The following MYB variants were observed in gnomAD, a reference collection of about 807,000 sequenced individuals.
MYB encodes MYB proto-oncogene, transcription factor.
In MYB, 28 loss-of-function variants were observed where a neutral mutation model predicts 92.9. The ratio of observed to expected loss-of-function variants is 0.30; its 90% CI spans 0.22 to 0.41. MYB has a LOEUF of 0.41. Ranked by LOEUF, MYB falls within the 10% of genes least tolerant of loss-of-function variation. The probability of loss-of-function intolerance (pLI) is 1.00; values close to 1 mark genes in which losing one functional copy is unlikely to be tolerated. For synonymous variants in MYB, 295 were observed against 329.1 expected (o/e 0.90, Z 1.12); for missense variants, 679 against 929.3 (o/e 0.73, Z 3.50).
chr6:135,194,393 G>A lies in MYB; in HGVS notation c.881G>A (p.Arg294Gln). The A allele has an allele frequency of 1.9e-6, 3 of 1,613,716 alleles. No individual in the cohort carries two copies. The highest frequency in any genetic ancestry group is 2.5e-6 in the Non-Finnish European group (3 of 1,179,794). The change falls in exon 8 of 16, where the codon CGA (arginine) becomes CAA (glutamine). Residue 294 changes from arginine to glutamine, a missense_variant. This residue lies in a region of MYB where 43 missense variants were observed against 87.9 expected (regional missense o/e 0.49). Transcript: ENST00000341911. ...GATGAAGACCCTGAGAAGGAAAAGC[G>A]AATAAAGGAATTAGAATTGCTCCTA... ...YNDEDPEKEK[R>Q]IKELELLLMS...
intron 8 of MYB, chr6:135,194,982 C>T (rs964073550): frequency 3.7e-6 from 5 of 1,340,220 alleles, no homozygotes; most frequent in Middle Eastern, 2.1e-4. Context: ...TTACTGAATT[C>T]TGACATCTTT....
chr6:135,186,288 CTCT>C (rs1364502856), intron 2 of MYB, among the ~76,000 whole-genome samples: 1 of 152,156 alleles, frequency 6.6e-6, no homozygotes, highest in Non-Finnish European at 1.5e-5. Flanking sequence ...TTTGTCCCAC[CTCT>C]TCTTCCTACT....
chr6:135,183,525 T>C (rs555571006), intron 1 of MYB, among the ~76,000 whole-genome samples: 47 of 152,356 alleles, frequency 3.1e-4, no homozygotes, highest in Admixed American at 2.5e-3. Context: ...GAAAATCCTC[T>C]GACTGTTGGG....
intron 13 of MYB, 65 bp from the exon 14 acceptor site, chr6:135,201,574 C>G: frequency 9.2e-7 from 1 of 1,084,900 alleles, no homozygotes; most frequent in Non-Finnish European, 1.4e-6. Flanking sequence ...CAGAAATATA[C>G]TCCTGACTGT....
chr6:135,183,319 C>G (rs1012021357), intron 1 of MYB, among the ~76,000 whole-genome samples: 12 of 152,180 alleles, frequency 7.9e-5, no homozygotes, highest in Non-Finnish European at 1.3e-4. Context: ...TTGAACCCCT[C>G]CGAATCACAG....
intron 15 of MYB, among the ~76,000 whole-genome samples, chr6:135,209,509 C>T (rs1779425218): frequency 2.6e-5 from 4 of 152,218 alleles, no homozygotes; most frequent in Admixed American, 2.6e-4. Flanking sequence ...GCTAGGATTA[C>T]AGGCGTGAGC....
At chr6:135,195,036 C>T (rs1293941513) in intron 8 of MYB, 1 of 1,330,782 alleles carries the variant, frequency 7.5e-7, no homozygotes, top group East Asian at 4.7e-5. Flanking sequence ...TGCTTTGCAA[C>T]ATACATAGTT....
chr6:135,199,146 C>A, intron 11 of MYB, 96 bp downstream of exon 11: 2 of 993,452 alleles, frequency 2.0e-6, no homozygotes, highest in South Asian at 4.0e-5. Context: ...CTTGTATGTG[C>A]ATAATTTTAC....
Position 135,206,542 on chromosome 6 carries a change from A to G in MYB, c.2169+3218A>G, listed in dbSNP as rs534503451. 1.1e-3 allele frequency among the ~76,000 whole-genome samples: 164 copies of G among 151,950 alleles called. 1 individual carries two copies. The South Asian group carries it at 0.015, about 14-fold the overall frequency. On this transcript the variant is annotated intron_variant, in intron 15 of 15. Transcript: ENST00000341911. ...GAAACTCTGTCTTTACTAAAAATAC[A>G]AAAAATAGCCAGGCGTGGTGGTGCG...
chr6:135,192,715 T>A (rs1412704281), intron 6 of MYB, among the ~76,000 whole-genome samples, 157 bp downstream of exon 6: 1 of 152,196 alleles, frequency 6.6e-6, no homozygotes, highest in East Asian at 1.9e-4. Context: ...AGGGTGTAGG[T>A]ATGGTGTGTT....
chr6:135,191,339 C>A (rs1356932307), intron 5 of MYB, among the ~76,000 whole-genome samples: 1 of 152,160 alleles, frequency 6.6e-6, no homozygotes, highest in Non-Finnish European at 1.5e-5. Context: ...GAAAGCAATA[C>A]TTTTAATGAT....
Position 135,203,250 on chromosome 6 carries a change from G to C in MYB, c.2095G>C (p.Ala699Pro). Residue 699 changes from alanine (A) to proline (P), a missense_variant, in exon 15 of 16, where the codon GCA becomes CCA. Ala to Pro is a conservative substitution (Grantham distance 27). Around this residue, in one of 8 missense-constraint regions of MYB, gnomAD observed 402 missense variants for 434.2 expected, o/e 0.93. Coordinates refer to ENST00000341911, the MANE Select transcript of MYB (RefSeq NM_001130173.2). ...TACAAGCTCCGTTTTAATGGCACCA[G>C]CATCAGAAGATGAAGACAATGTTCT... The part of the protein sequence containing the change: ...ILTSSVLMAP[A>P]SEDEDNVLKA... The C allele has an allele frequency of 6.2e-7, 1 of 1,610,762 alleles. No individual in the cohort carries two copies. Among genetic ancestry groups the C allele is most frequent in the African/African-American group, 1.3e-5 (1 of 74,962 alleles).
chr6:135,188,507 G>T (rs112518004), intron 3 of MYB, among the ~76,000 whole-genome samples: 1,606 of 118,678 alleles, frequency 0.014, 43 homozygotes, highest in Admixed American at 0.071. Flanking sequence ...TTTTTTTTTT[G>T]TTTTTTGTTT....
At position 135,213,178 on chromosome 6, in the gene MYB, A is replaced by T. The variant is rs1000984647; in HGVS notation, c.2170-4686A>T. On this transcript the variant is annotated intron_variant, in intron 15 of 15. Coordinates refer to ENST00000341911, the MANE Select transcript of MYB (RefSeq NM_001130173.2). ...GGCTACCACATCCTGGTGTTTGTCTATACTGGGAGAATCAGGCGTTCCAAG... is the reference window on the plus strand; with the variant it reads ...GGCTACCACATCCTGGTGTTTGTCTTTACTGGGAGAATCAGGCGTTCCAAG... 2.4e-4 allele frequency among the ~76,000 whole-genome samples: 37 copies of T among 152,304 alleles called. 1 individual carries two copies. The highest frequency in any genetic ancestry group is 5.2e-4 in the Admixed American group (8 of 15,298).
Position 135,190,087 on chromosome 6 carries a change from A to G in MYB, c.307-40A>G. 1 of 1,596,544 alleles carries G rather than the reference A, an allele frequency of 6.3e-7. No individual in the cohort carries two copies. The highest frequency in any genetic ancestry group is 8.6e-7 in the Non-Finnish European group (1 of 1,166,600). ...GAATGATTATACTGACTCATTACAT[A>G]ACTTTAAAACATAGGTTATTTTTGT... On this transcript the variant is annotated intron_variant, in intron 4 of 15. Coordinates refer to ENST00000341911, the MANE Select transcript of MYB (RefSeq NM_001130173.2). This position sits in a 1 kb window ranked among gnomAD's most constrained non-coding sequence, Gnocchi z 4.5.
chr6:135,203,979 C>T, intron 15 of MYB: 1 of 967,876 alleles, frequency 1.0e-6, no homozygotes, highest in Non-Finnish European at 1.3e-6. Flanking sequence ...AATTTTGCTT[C>T]CCTAAATTAT....
At chr6:135,206,022 G>T (rs1013265763) in intron 15 of MYB, among the ~76,000 whole-genome samples, 1 of 151,720 alleles carries the variant, frequency 6.6e-6, no homozygotes, top group African/African-American at 2.4e-5. Flanking sequence ...TGGCTAACAC[G>T]GTGAAACCCC....
intron 15 of MYB, among the ~76,000 whole-genome samples, chr6:135,209,915 T>C (rs1345855002): frequency 6.6e-6 from 1 of 152,220 alleles, no homozygotes; most frequent in Non-Finnish European, 1.5e-5. Context: ...GTCTAGAAGC[T>C]TATAAAATGG....
intron 8 of MYB, chr6:135,194,820 T>A: frequency 9.7e-7 from 1 of 1,026,024 alleles, no homozygotes; most frequent in East Asian, 3.5e-5. Flanking sequence ...TTTTTTCTAT[T>A]ATTTTGTTAA....
Sources: gnomAD v4.1 joint callset for allele counts (sites outside exome capture counted in the v4.1 genomes callset) on GRCh38, gnomAD v4.1.1 for gene constraint, gnomAD v4.1.1 regional missense constraint, Gnocchi (gnomAD v3.1) non-coding constraint, MANE v1.5 for transcripts, NCBI Gene and HGNC (gene_info 2026-07-23, HGNC 2026-07-21) for gene names.